The following CORO2B variants were observed in gnomAD, a reference collection of about 807,000 sequenced individuals.
The protein encoded by CORO2B is coronin 2B, also known as coronin-2B.
A neutral mutation model predicts 58.8 loss-of-function variants in CORO2B; 26 were observed. That is an observed-to-expected ratio of 0.44 (90% CI 0.32 to 0.61). The LOEUF (loss-of-function observed/expected upper bound fraction) is 0.61, where lower values mean the gene tolerates loss of function less well. Among genes scored for constraint, CORO2B ranks in the 20% least tolerant of loss-of-function variants. CORO2B has a pLI of 0.04. For synonymous variants in CORO2B, 242 were observed against 253.8 expected (o/e 0.95, Z 0.44); for missense variants, 460 against 645.1 (o/e 0.71, Z 3.11).
chr15:68,722,380 G>A (rs1491638), intron 11 of CORO2B, among the ~76,000 whole-genome samples: 132,530 of 152,200 alleles, frequency 0.87, 59,142 homozygotes, highest in Non-Finnish European at 0.96. Context: ...TTTAATCATC[G>A]TAGCAGTTCG....
chr15:68,717,475 T>A (rs1275815098), intron 8 of CORO2B, among the ~76,000 whole-genome samples: 2 of 152,088 alleles, frequency 1.3e-5, no homozygotes, highest in Non-Finnish European at 2.9e-5. Flanking sequence ...AATCCAGATG[T>A]TTAGAAAGTA....
chr15:68,618,999 G>A (rs546783489), intron 1 of CORO2B, among the ~76,000 whole-genome samples: 13 of 152,298 alleles, frequency 8.5e-5, no homozygotes, highest in African/African-American at 2.9e-4. Flanking sequence ...TGGGCTCAAG[G>A]AGAGGCAAGG....
At chr15:68,682,042 A>T (rs1185673727) in intron 2 of CORO2B, among the ~76,000 whole-genome samples, 1 of 152,108 alleles carries the variant, frequency 6.6e-6, no homozygotes, top group Non-Finnish European at 1.5e-5. Context: ...GGCCAAACCC[A>T]GTCCCATGCC....
rs963411256 is a variant in CORO2B at position 68,704,045 on chromosome 15, C to T, written c.334-6687C>T. Among the ~76,000 whole-genome samples, 60 of 81,850 alleles carry T rather than the reference C, an allele frequency of 7.3e-4. 1 individual carries two copies. The highest frequency in any genetic ancestry group is 1.3e-3 in the Non-Finnish European group (49 of 38,186). The allele number at this position is 81,850 out of a possible 152,430, so 53.7% of individuals were successfully genotyped here. On this transcript the variant is annotated intron_variant, in intron 3 of 11. Transcript: ENST00000261861. ...CCCTTTCTCTACACACACATACACA[C>T]ACACACACACACACACACACACACA...
rs144493226 is a variant in CORO2B at position 68,625,833 on chromosome 15, G to A, written c.16-19327G>A. Among the ~76,000 whole-genome samples, 917 of 152,206 alleles carry A rather than the reference G, an allele frequency of 6.0e-3. 7 individuals carry two copies. Among genetic ancestry groups the A allele is most frequent in the Non-Finnish European group, 9.7e-3 (657 of 68,010 alleles). ...TTGCCCAGGCTGGTCTCAAACTCCTGAGCTCAAGCAATCTGCCCCCCTTGG... is the reference window on the plus strand; with the variant it reads ...TTGCCCAGGCTGGTCTCAAACTCCTAAGCTCAAGCAATCTGCCCCCCTTGG... On this transcript the variant is annotated intron_variant, in intron 1 of 11. Transcript: ENST00000261861.
chr15:68,711,119 G>C (rs1482313776), intron 4 of CORO2B, among the ~76,000 whole-genome samples: 1 of 152,104 alleles, frequency 6.6e-6, no homozygotes, highest in Non-Finnish European at 1.5e-5. Context: ...TGGTTGATTG[G>C]AGGAGAATGC....
At chr15:68,709,535 G>C (rs953022121) in intron 3 of CORO2B, among the ~76,000 whole-genome samples, 2 of 140,706 alleles carry the variant, frequency 1.4e-5, no homozygotes, top group Non-Finnish European at 1.5e-5. Context: ...TCAGCACACT[G>C]TAACCTCCGC....
At chr15:68,655,615 A>G (rs930426839) in intron 2 of CORO2B, among the ~76,000 whole-genome samples, 2 of 152,206 alleles carry the variant, frequency 1.3e-5, no homozygotes, top group Admixed American at 6.5e-5. Context: ...CCACACTCAC[A>G]TCTCCTAAGG....
At chr15:68,616,568 C>T (rs1049789432) in intron 1 of CORO2B, 4 of 985,320 alleles carry the variant, frequency 4.1e-6, no homozygotes, top group Admixed American at 6.1e-5. Context: ...GTGCCGTGGG[C>T]CATTGTGCAA....
chr15:68,626,269 C>T (rs1332014169), intron 1 of CORO2B, among the ~76,000 whole-genome samples: 1 of 152,186 alleles, frequency 6.6e-6, no homozygotes. Context: ...CCCTCCCCTC[C>T]TGAAGGGGCT....
intron 1 of CORO2B, among the ~76,000 whole-genome samples, chr15:68,598,858 G>A (rs988200695): frequency 1.3e-5 from 2 of 152,294 alleles, no homozygotes; most frequent in Admixed American, 6.5e-5. Context: ...CTCTGCTTGC[G>A]GGAAGCTGGT....
chr15:68,714,141 C>T (rs369223156), intron 6 of CORO2B, 100 bp downstream of exon 6: 1 of 731,442 alleles, frequency 1.4e-6, no homozygotes, highest in East Asian at 2.6e-5. Flanking sequence ...CGCACACCAG[C>T]TTCTCATAGC....
At chr15:68,696,814 G>A (rs1567012322) in intron 3 of CORO2B, among the ~76,000 whole-genome samples, 2 of 152,208 alleles carry the variant, frequency 1.3e-5, no homozygotes, top group African/African-American at 2.4e-5. Context: ...GATGAAGGAG[G>A]ATCAGCCTAA....
At chr15:68,664,608 C>A (rs1387811942) in intron 2 of CORO2B, among the ~76,000 whole-genome samples, 1 of 152,006 alleles carries the variant, frequency 6.6e-6, no homozygotes, top group Admixed American at 6.6e-5. Flanking sequence ...GATTGTGCCA[C>A]TGTACTCCAG....
rs1008384576 is a variant in CORO2B at position 68,580,229 on chromosome 15, C to G, written c.15+952C>G. 4.6e-5 allele frequency among the ~76,000 whole-genome samples: 7 copies of G among 152,356 alleles called. 1 individual carries two copies. The highest frequency in any genetic ancestry group is 3.3e-4 in the Admixed American group (5 of 15,304). The stretch of plus-strand genomic sequence containing the variant: ...ACCCACACTCTTCAGAGAGATCTGT[C>G]TGGGTACTGAGCTCACAGTCTGGCG... On this transcript the variant is annotated intron_variant, in intron 1 of 11. Transcript: ENST00000261861.
At chr15:68,646,266 G>A (rs149000994) in intron 2 of CORO2B, among the ~76,000 whole-genome samples, 61 of 152,296 alleles carry the variant, frequency 4.0e-4, no homozygotes, top group African/African-American at 1.3e-3. Context: ...CCAGAGGCCC[G>A]TGGGAGGTCA....
At chr15:68,594,264 C>T (rs1225598366) in intron 1 of CORO2B, among the ~76,000 whole-genome samples, 3 of 152,172 alleles carry the variant, frequency 2.0e-5, no homozygotes, top group Admixed American at 6.5e-5. Context: ...CCTGGTGTCC[C>T]CTGCAGTATG....
In CORO2B at chr15:68,714,052, G is replaced by A. The variant is rs1423822157; in HGVS notation, c.765+11G>A. The A allele has an allele frequency of 3.8e-6, 6 of 1,585,206 alleles. No individual in the cohort carries two copies. Among genetic ancestry groups the A allele is most frequent in the Non-Finnish European group, 5.2e-6 (6 of 1,154,332 alleles). ...GCCCTCTGGGACCAGGTCAGCCACG[G>A]GGAGGCCTGCTGGGTTTGGGCTAAA... On this transcript the variant is annotated intron_variant, in intron 6 of 11. Transcript: ENST00000261861.
the CORO2B span, among the ~76,000 whole-genome samples, chr15:68,551,122 T>C: frequency 1.3e-5 from 2 of 151,572 alleles, no homozygotes; most frequent in South Asian, 2.1e-4. Flanking sequence ...TGAATGGAGG[T>C]CCTCGCTCAG....
Sources: gnomAD v4.1 joint callset for allele counts (sites outside exome capture counted in the v4.1 genomes callset) on GRCh38, gnomAD v4.1.1 for gene constraint, MANE v1.5 for transcripts, NCBI Gene and HGNC (gene_info 2026-07-23, HGNC 2026-07-21) for gene names.